KCNIP4: variants seen among roughly 807,000 people sequenced by gnomAD.
The protein encoded by KCNIP4 is Kv channel-interacting protein 4.
Under a neutral mutation model 34.0 loss-of-function variants are expected in KCNIP4, and 12 were observed. The observed-to-expected ratio is 0.35, with a 90% CI of 0.23 to 0.57. The LOEUF (loss-of-function observed/expected upper bound fraction) is 0.57, where lower values mean the gene tolerates loss of function less well. Ranked by LOEUF, KCNIP4 falls within the 20% of genes least tolerant of loss-of-function variation. The pLI, the probability that KCNIP4 is intolerant of heterozygous loss-of-function variation, is 0.83. For missense variants in KCNIP4, 238 were observed against 311.7 expected (o/e 0.76, Z 1.78); for synonymous variants, 124 against 102.2 (o/e 1.21, Z -1.29).
chr4:21,200,384 A>G lies in KCNIP4; in HGVS notation c.62-317675T>C, dbSNP rs757036282. The stretch of plus-strand genomic sequence containing the variant: ...TATATATACATACATATATGTGTGT[A>G]TATATATATATACATACATATATGT... On this transcript the variant is annotated intron_variant, in intron 1 of 8. Transcript: ENST00000382152. 8.2e-4 allele frequency among the ~76,000 whole-genome samples: 32 copies of G among 38,996 alleles called. 1 individual carries two copies. Among genetic ancestry groups the G allele is most frequent in the Admixed American group, 1.3e-3 (6 of 4,450 alleles). 25.6% of individuals were successfully genotyped at this position (38,996 alleles called of 152,430 possible). A position where few individuals can be genotyped will look rare whatever the true frequency, so the allele number is the denominator to read the frequency against.
chr4:21,665,888 G>T (rs568250048), intron 1 of KCNIP4, among the ~76,000 whole-genome samples: 1 of 152,062 alleles, frequency 6.6e-6, no homozygotes, highest in African/African-American at 2.4e-5. Flanking sequence ...GACCATACAT[G>T]GCGCCCCTTT....
At chr4:21,886,540 G>C (rs1354586025) in intron 1 of KCNIP4, among the ~76,000 whole-genome samples, 1 of 152,128 alleles carries the variant, frequency 6.6e-6, no homozygotes, top group East Asian at 1.9e-4. Context: ...GCACCAGGGA[G>C]CTATAAACAG....
At position 21,906,577 on chromosome 4, in the gene KCNIP4, A is replaced by C. The variant is rs145976176; in HGVS notation, c.61+41994T>G. 7.6e-3 allele frequency among the ~76,000 whole-genome samples: 1,157 copies of C among 152,154 alleles called. 4 individuals carry two copies. Among genetic ancestry groups the C allele is most frequent in the Non-Finnish European group, 0.011 (782 of 68,012 alleles). On this transcript the variant is annotated intron_variant, in intron 1 of 8. Transcript: ENST00000382152. ...GGCTTCCAGAACTGTGAGAGAATAA[A>C]TTTCTGTCTGTTAGAAGCCACAAAG...
At chr4:21,865,884 G>T (rs868556164) in intron 1 of KCNIP4, among the ~76,000 whole-genome samples, 8 of 150,558 alleles carry the variant, frequency 5.3e-5, no homozygotes, top group South Asian at 4.2e-4. Flanking sequence ...AACTAGAAAG[G>T]TTTCAATCAT....
At chr4:21,941,661 A>C (rs1730209731) in intron 1 of KCNIP4, among the ~76,000 whole-genome samples, 1 of 152,300 alleles carries the variant, frequency 6.6e-6, no homozygotes, top group African/African-American at 2.4e-5. Flanking sequence ...CTAAATAAAT[A>C]ATTGGGGTGG....
At chr4:21,232,476 G>A (rs1030509683) in intron 1 of KCNIP4, among the ~76,000 whole-genome samples, 2 of 151,938 alleles carry the variant, frequency 1.3e-5, no homozygotes, top group South Asian at 2.1e-4. Context: ...TCTAAAATAG[G>A]CAAAATATGT....
chr4:20,851,548 C>T (rs542137016), intron 2 of KCNIP4, among the ~76,000 whole-genome samples: 4 of 152,128 alleles, frequency 2.6e-5, no homozygotes, highest in Middle Eastern at 3.4e-3. Flanking sequence ...GGTATATACC[C>T]GGTAATGAGA....
intron 1 of KCNIP4, among the ~76,000 whole-genome samples, chr4:21,771,992 T>C (rs1718826819): frequency 6.6e-6 from 1 of 152,224 alleles, no homozygotes; most frequent in Non-Finnish European, 1.5e-5. Context: ...GGCATCCTTG[T>C]CTTGTGCCCA....
chr4:20,813,490 T>C (rs541316186), intron 3 of KCNIP4, among the ~76,000 whole-genome samples: 1 of 152,312 alleles, frequency 6.6e-6, no homozygotes, highest in Admixed American at 6.5e-5. Context: ...CTCAGTTTTG[T>C]CATTGCTAAA....
At chr4:20,837,471 T>G (rs1172602051) in intron 3 of KCNIP4, among the ~76,000 whole-genome samples, 2 of 151,968 alleles carry the variant, frequency 1.3e-5, no homozygotes, top group Non-Finnish European at 2.9e-5. Context: ...ATGATCTGAT[T>G]TTATGGAGTA....
intron 1 of KCNIP4, among the ~76,000 whole-genome samples, chr4:21,181,623 T>C (rs1754851501): frequency 6.6e-6 from 1 of 152,104 alleles, no homozygotes; most frequent in South Asian, 2.1e-4. Context: ...GAGTTTTTCA[T>C]GTAATAGGTA....
intron 1 of KCNIP4, among the ~76,000 whole-genome samples, chr4:21,048,209 T>C (rs375169502): frequency 6.6e-6 from 1 of 152,224 alleles, no homozygotes; most frequent in African/African-American, 2.4e-5. Context: ...GTTATCATAA[T>C]AAATTTTTTT....
intron 1 of KCNIP4, among the ~76,000 whole-genome samples, chr4:21,524,887 A>G (rs1735847863): frequency 6.6e-6 from 1 of 152,134 alleles, no homozygotes; most frequent in Non-Finnish European, 1.5e-5. Context: ...TTCTGTCTTA[A>G]TTTACTTGAA....
intron 1 of KCNIP4, among the ~76,000 whole-genome samples, chr4:21,617,674 A>G (rs964217550): frequency 1.3e-5 from 2 of 152,192 alleles, no homozygotes; most frequent in East Asian, 3.8e-4. Context: ...CCAGTTTTCA[A>G]TCAAGAGAAA....
intron 1 of KCNIP4, among the ~76,000 whole-genome samples, chr4:21,724,307 C>T (rs760588566): frequency 1.3e-5 from 2 of 152,110 alleles, no homozygotes; most frequent in African/African-American, 4.8e-5. Flanking sequence ...AGTTATTCAC[C>T]CACAAAATAT....
At chr4:20,757,275 T>A (rs779147216) in intron 4 of KCNIP4, among the ~76,000 whole-genome samples, 22 of 152,192 alleles carry the variant, frequency 1.4e-4, no homozygotes, top group Non-Finnish European at 2.6e-4. Flanking sequence ...ATGCATATAC[T>A]TATTTAAAGA....
chr4:21,146,505 G>T (rs576333908), intron 1 of KCNIP4, among the ~76,000 whole-genome samples: 48 of 152,314 alleles, frequency 3.2e-4, no homozygotes, highest in African/African-American at 1.1e-3. Flanking sequence ...TACCACATAT[G>T]ATTGCCCCAA....
intron 1 of KCNIP4, among the ~76,000 whole-genome samples, chr4:21,288,872 C>A (rs764104636): frequency 6.6e-6 from 1 of 152,150 alleles, no homozygotes; most frequent in Non-Finnish European, 1.5e-5. Flanking sequence ...TAATAGCCTC[C>A]AGCTCCATCC....
rs77438373 is a variant in KCNIP4 at position 21,827,260 on chromosome 4, T to C, written c.61+121311A>G. ...TTTTATTCAACCATAAAATCTACAA[T>C]ATGCTCTAAAAGGAAAAATGGTTAC... On this transcript the variant is annotated intron_variant, in intron 1 of 8. Transcript: ENST00000382152. 1.3e-3 allele frequency among the ~76,000 whole-genome samples: 202 copies of C among 152,116 alleles called. 6 individuals are homozygous for C. The East Asian group carries it at 0.037, about 28-fold the overall frequency.
Sources: allele counts gnomAD v4.1 joint callset (sites outside exome capture counted in the v4.1 genomes callset), GRCh38; gene constraint gnomAD v4.1.1; transcripts MANE v1.5; gene names NCBI Gene and HGNC (gene_info 2026-07-23, HGNC 2026-07-21).